The following ATXN10 variants were observed in gnomAD, a reference collection of about 807,000 sequenced individuals.
ATXN10 encodes ataxin-10.
A neutral mutation model predicts 52.9 loss-of-function variants in ATXN10; 28 were observed. The observed-to-expected ratio is 0.53, with a 90% confidence interval of 0.39 to 0.73. The LOEUF (loss-of-function observed/expected upper bound fraction) is 0.73. Ranked by LOEUF, ATXN10 falls within the 30% of genes least tolerant of loss-of-function variation. The pLI is 0.00. For synonymous variants in ATXN10, 226 were observed against 221.5 expected (o/e 1.02, Z -0.18); for missense variants, 565 against 577.0 (o/e 0.98, Z 0.21).
At position 45,784,002 on chromosome 22, in the gene ATXN10, G is replaced by A. The variant is rs1240566727; in HGVS notation, c.1174-22957G>A. Reference sequence around the variant, plus strand: ...TTTGTCCCTGACTGCTTTGCAGGCCGTCCCCTGTCCTACAGCAGGCCAGGT... The same window carrying A: ...TTTGTCCCTGACTGCTTTGCAGGCCATCCCCTGTCCTACAGCAGGCCAGGT... On this transcript the variant is annotated intron_variant, in intron 9 of 11. Transcript: ENST00000252934. This position sits in a 1 kb window ranked among gnomAD's most constrained non-coding sequence, Gnocchi z 4.2. Among the ~76,000 whole-genome samples, 2 of 151,986 alleles carry A rather than the reference G, an allele frequency of 1.3e-5. No individual in the cohort carries two copies. Among genetic ancestry groups the A allele is most frequent in the South Asian group, 2.1e-4 (1 of 4,814 alleles).
Position 45,737,891 on chromosome 22 carries a change from C to T in ATXN10, c.895-840C>T, listed in dbSNP as rs376678639. Among the ~76,000 whole-genome samples the T allele has an allele frequency of 1.2e-4, 18 of 151,784 alleles. No homozygotes were observed. In the South Asian group the frequency reaches 1.7e-3, roughly 14 times the overall value. On this transcript the variant is annotated intron_variant, in intron 7 of 11. Transcript: ENST00000252934. ...TTTTTATATTTTTTTTTACTAGAGA[C>T]GGGATTTCACCATATTGACCAGGCT...
intron 4 of ATXN10, among the ~76,000 whole-genome samples, chr22:45,702,485 A>C (rs570984912): frequency 7.9e-5 from 12 of 152,330 alleles, no homozygotes; most frequent in African/African-American, 2.9e-4. Context: ...GTCAACTTCA[A>C]CTTTAATATT....
At chr22:45,798,853 GA>G (rs1449668341) in intron 9 of ATXN10, among the ~76,000 whole-genome samples, 7 of 152,070 alleles carry the variant, frequency 4.6e-5, no homozygotes, top group African/African-American at 1.7e-4. Flanking sequence ...ATAATAATAA[GA>G]AAAAATTTAA....
In ATXN10 at chr22:45,733,880, A is replaced by G. The variant is rs1047907835; in HGVS notation, c.894+4290A>G. Among the ~76,000 whole-genome samples, 18 of 148,102 alleles carry G rather than the reference A, an allele frequency of 1.2e-4. No homozygotes were observed. Among genetic ancestry groups the G allele is most frequent in the Middle Eastern group, 6.9e-3 (2 of 288 alleles). On this transcript the variant is annotated intron_variant, in intron 7 of 11. Coordinates refer to ENST00000252934, the MANE Select transcript of ATXN10 (RefSeq NM_013236.4). This position sits in a 1 kb window ranked among gnomAD's most constrained non-coding sequence, Gnocchi z 4.4. ...GGTCTTTTTTTGTATATACACACCT[A>G]TATGTTTTTTGTTTTCATTTTTTGC...
At chr22:45,809,041 T>C (rs990198002) in intron 10 of ATXN10, among the ~76,000 whole-genome samples, 1 of 152,222 alleles carries the variant, frequency 6.6e-6, no homozygotes, top group Non-Finnish European at 1.5e-5. Flanking sequence ...TGGTAAGATA[T>C]GAGACACATA....
In ATXN10 at chr22:45,824,690, A is replaced by G. The variant is rs1471427150; in HGVS notation, c.1237+17668A>G. ...CATGGGTATATGGTGGCAGCTAGAA[A>G]ACAAATTTGTATTGATAACTGAATT... On this transcript the variant is annotated intron_variant, in intron 10 of 11. Coordinates refer to ENST00000252934, the MANE Select transcript of ATXN10 (RefSeq NM_013236.4). This position sits in a 1 kb window ranked among gnomAD's most constrained non-coding sequence, Gnocchi z 5.2. 1.3e-5 allele frequency among the ~76,000 whole-genome samples: 2 copies of G among 152,234 alleles called. No homozygotes were observed. The highest frequency in any genetic ancestry group is 2.9e-5 in the Non-Finnish European group (2 of 68,034).
chr22:45,720,316 C>A (rs1569035888), intron 6 of ATXN10, among the ~76,000 whole-genome samples: 1 of 140,894 alleles, frequency 7.1e-6, no homozygotes, highest in Non-Finnish European at 1.6e-5. Flanking sequence ...CTATTGTAAC[C>A]TTTTTTTTTT....
At chr22:45,716,655 TAAAG>T (rs1183877914) in intron 5 of ATXN10, among the ~76,000 whole-genome samples, 1 of 151,952 alleles carries the variant, frequency 6.6e-6, no homozygotes, top group African/African-American at 2.4e-5. Context: ...TTTCTATTAA[TAAAG>T]AAAGGTCTGA....
intron 9 of ATXN10, among the ~76,000 whole-genome samples, chr22:45,752,843 C>T (rs1377968657): frequency 1.3e-5 from 2 of 151,906 alleles, no homozygotes; most frequent in Non-Finnish European, 2.9e-5. Flanking sequence ...AAGTGATTCT[C>T]CTGCGTCAGC....
rs1555890596 is a variant in ATXN10, at chr22:45,727,369, A to ATCTATCTG, written c.729-2055_729-2048dup. ...TATCTATCTATCTATCTATCTATCT[A>ATCTATCTG]TCTATCTGAGACTGAGTCTCGCTCT... On this transcript the variant is annotated intron_variant, in intron 6 of 11. Transcript: ENST00000252934. The surrounding 1 kb of genome is among the most constrained non-coding windows in gnomAD (Gnocchi z 4.6). Among the ~76,000 whole-genome samples the ATCTATCTG allele has an allele frequency of 6.6e-6, 1 of 151,172 alleles. No homozygotes were observed. The highest frequency in any genetic ancestry group is 1.5e-5 in the Non-Finnish European group (1 of 67,784).
At chr22:45,796,080 A>G (rs890867879) in intron 9 of ATXN10, among the ~76,000 whole-genome samples, 1 of 152,204 alleles carries the variant, frequency 6.6e-6, no homozygotes, top group Non-Finnish European at 1.5e-5. Context: ...ACTAGGAGAA[A>G]TATCGCTGAA....
In ATXN10 at chr22:45,688,890, T is replaced by A. The variant is rs999897499; in HGVS notation, c.117-822T>A. On this transcript the variant is annotated intron_variant, in intron 1 of 11. Coordinates refer to ENST00000252934, the MANE Select transcript of ATXN10 (RefSeq NM_013236.4). The surrounding 1 kb of genome is among the most constrained non-coding windows in gnomAD (Gnocchi z 4.0). ...GGATTTATGGAATGAGGAAGTTGGC[T>A]TGCATTTAGGTGCAATGTTGCACAA... Among the ~76,000 whole-genome samples, 1 of 152,252 alleles carries A rather than the reference T, an allele frequency of 6.6e-6. No homozygotes were observed. The highest frequency in any genetic ancestry group is 1.5e-5 in the Non-Finnish European group (1 of 68,040).
chr22:45,771,062 A>G (rs1197651611), intron 9 of ATXN10, among the ~76,000 whole-genome samples: 1 of 152,144 alleles, frequency 6.6e-6, no homozygotes, highest in Non-Finnish European at 1.5e-5. Context: ...AATTAAACAT[A>G]CTGTCACAAA....
In ATXN10 at chr22:45,786,936, C is replaced by G. The variant is rs1213990646; in HGVS notation, c.1174-20023C>G. 6.6e-6 allele frequency among the ~76,000 whole-genome samples: 1 copy of G among 152,004 alleles called. No individual in the cohort carries two copies. The highest frequency in any genetic ancestry group is 1.5e-5 in the Non-Finnish European group (1 of 68,008). On this transcript the variant is annotated intron_variant, in intron 9 of 11. Transcript: ENST00000252934. The surrounding 1 kb of genome is among the most constrained non-coding windows in gnomAD (Gnocchi z 4.1). Reference sequence around the variant, plus strand: ...TCGGAATTTCTCCAAAGGAAATAATCAGTGATGAGGTTAAAAAAAATTGTC... The same window carrying G: ...TCGGAATTTCTCCAAAGGAAATAATGAGTGATGAGGTTAAAAAAAATTGTC...
chr22:45,715,412 A>G lies in ATXN10; in HGVS notation c.648-3001A>G, dbSNP rs1367879129. On this transcript the variant is annotated intron_variant, in intron 5 of 11. Coordinates refer to ENST00000252934, the MANE Select transcript of ATXN10 (RefSeq NM_013236.4). The surrounding 1 kb of genome is among the most constrained non-coding windows in gnomAD (Gnocchi z 4.4). ...CTGATGTTTTATACATTATATAAACATGATGATATGGATCAAGTTTGTCCA... is the reference window on the plus strand; with the variant it reads ...CTGATGTTTTATACATTATATAAACGTGATGATATGGATCAAGTTTGTCCA... 1.3e-5 allele frequency among the ~76,000 whole-genome samples: 2 copies of G among 152,234 alleles called. No homozygotes were observed. The highest frequency in any genetic ancestry group is 2.9e-5 in the Non-Finnish European group (2 of 68,042).
chr22:45,690,731 T>C lies in ATXN10; in HGVS notation c.308+828T>C, dbSNP rs1923338745. 6.6e-6 allele frequency among the ~76,000 whole-genome samples: 1 copy of C among 152,256 alleles called. No homozygotes were observed. The highest frequency in any genetic ancestry group is 2.1e-4 in the South Asian group (1 of 4,836). The stretch of plus-strand genomic sequence containing the variant: ...TGATGCGCACATTTTTAAAAGTAGT[T>C]AAAACATGAGCAGGCGAGCTGTCCA... On this transcript the variant is annotated intron_variant, in intron 2 of 11. Coordinates refer to ENST00000252934, the MANE Select transcript of ATXN10 (RefSeq NM_013236.4). This position sits in a 1 kb window ranked among gnomAD's most constrained non-coding sequence, Gnocchi z 4.5.
chr22:45,694,782 C>T (rs1025820973), intron 3 of ATXN10, among the ~76,000 whole-genome samples: 9 of 143,954 alleles, frequency 6.3e-5, no homozygotes, highest in Admixed American at 1.4e-4. Context: ...AATTCTGTCT[C>T]GAAAAAAAAA....
In ATXN10 at chr22:45,795,415, A is replaced by ATTCTATTCTATTCTATTGTT. The variant is rs747787715; in HGVS notation, c.1174-11535_1174-11534insATTCTATTGTTTTCTATTCT. ...ATTCTATTCTATTCTATTCTATTCT[A>ATTCTATTCTATTCTATTGTT]TTCTATTCTTTTTGAGATGAAGTCT... On this transcript the variant is annotated intron_variant, in intron 9 of 11. Coordinates refer to ENST00000252934, the MANE Select transcript of ATXN10 (RefSeq NM_013236.4). The surrounding 1 kb of genome is among the most constrained non-coding windows in gnomAD (Gnocchi z 4.6). Among the ~76,000 whole-genome samples, 1,063 of 134,192 alleles carry ATTCTATTCTATTCTATTGTT rather than the reference A, an allele frequency of 7.9e-3. 12 individuals are homozygous for ATTCTATTCTATTCTATTGTT. The highest frequency in any genetic ancestry group is 0.015 in the Middle Eastern group (4 of 264). 88.0% of individuals were successfully genotyped at this position (134,192 alleles called of 152,430 possible).
intron 7 of ATXN10, among the ~76,000 whole-genome samples, chr22:45,738,233 C>G (rs9626433): frequency 0.018 from 2,747 of 152,178 alleles, 99 homozygotes; most frequent in African/African-American, 0.063. Flanking sequence ...TTCATATTTA[C>G]CCAGAAATTA....
Sources: allele counts gnomAD v4.1 joint callset (sites outside exome capture counted in the v4.1 genomes callset), GRCh38; gene constraint gnomAD v4.1.1; non-coding constraint Gnocchi (gnomAD v3.1); transcripts MANE v1.5; gene names NCBI Gene and HGNC (gene_info 2026-07-23, HGNC 2026-07-21).